UNC5D: variants seen among roughly 807,000 people sequenced by gnomAD.
UNC5D encodes the protein unc-5 netrin receptor D.
In UNC5D, 39 loss-of-function variants were observed where a neutral mutation model predicts 105.4. The observed-to-expected ratio is 0.37, with a 90% CI of 0.29 to 0.48. UNC5D has a LOEUF of 0.48. UNC5D is among the 20% of genes least tolerant of loss of function. UNC5D has a pLI of 0.98. For synonymous variants in UNC5D, 452 were observed against 450.4 expected, an observed-to-expected ratio of 1.00 and a Z score of -0.04; for missense variants, 991 against 1,202.4, an observed-to-expected ratio of 0.82 and a Z score of 2.60.
Position 35,544,353 on chromosome 8 carries a change from C to T in UNC5D, c.104-4939C>T, listed in dbSNP as rs1174918754. 15 of 1,567,866 alleles carry T rather than the reference C, an allele frequency of 9.6e-6. No homozygotes were observed. In the Admixed American group the frequency reaches 1.1e-4, roughly 12 times the overall value. On this transcript the variant is annotated intron_variant, in intron 1 of 16. Transcript: ENST00000404895. ...AAGATGCAGCTGTATCAGTGAGGAA[C>T]GTTTTCTGCCACAAATAACAGAAAA... is the stretch of plus-strand genomic sequence containing the variant.
rs1460002139 is a variant in UNC5D at position 35,601,776 on chromosome 8, T to A, written c.570+6119T>A. On this transcript the variant is annotated intron_variant, in intron 4 of 16. Transcript: ENST00000404895. ...ACAATTTGACTTCCTCTTTTCCTAA[T>A]TGAATGCCCTTTATTTCCTTCTCCT... Among the ~76,000 whole-genome samples, 3 of 152,146 alleles carry A rather than the reference T, an allele frequency of 2.0e-5. No individual in the cohort carries two copies. In the East Asian group the frequency reaches 5.8e-4, roughly 29 times the overall value.
At chr8:35,615,072 C>T (rs965662443) in intron 4 of UNC5D, among the ~76,000 whole-genome samples, 1 of 127,336 alleles carries the variant, frequency 7.9e-6, no homozygotes, top group African/African-American at 3.3e-5. Flanking sequence ...CCGATCTCCA[C>T]AAAACTAAAA....
chr8:35,613,522 A>C (rs2918972), intron 4 of UNC5D, among the ~76,000 whole-genome samples: 46,770 of 152,114 alleles, frequency 0.31, 12,193 homozygotes, highest in African/African-American at 0.72. Context: ...TAATAAATTT[A>C]TTTTTCACAT....
chr8:35,427,613 T>C (rs1230921516), intron 1 of UNC5D, among the ~76,000 whole-genome samples: 2 of 152,168 alleles, frequency 1.3e-5, no homozygotes, highest in Non-Finnish European at 2.9e-5. Flanking sequence ...ATTGATAAAG[T>C]AGGAAGAAGT....
chr8:35,424,580 C>G (rs576184701), intron 1 of UNC5D, among the ~76,000 whole-genome samples: 1 of 152,214 alleles, frequency 6.6e-6, no homozygotes, highest in African/African-American at 2.4e-5. Context: ...AAACAAGATT[C>G]CCTAGACCCC....
At position 35,605,883 on chromosome 8, in the gene UNC5D, TA is replaced by T. The variant is rs1268311365; in HGVS notation, c.570+10229del. Among the ~76,000 whole-genome samples the T allele has an allele frequency of 5.9e-5, 9 of 152,352 alleles. No individual in the cohort carries two copies. The South Asian group carries it at 1.0e-3, about 18-fold the overall frequency. ...TCCTGAGACAGTGTTGCCACGCTTT[TA>T]AATTAATAGACATTAGGTGAAACTA... On this transcript the variant is annotated intron_variant, in intron 4 of 16. Transcript: ENST00000404895.
intron 4 of UNC5D, among the ~76,000 whole-genome samples, chr8:35,644,872 A>C (rs1822953139): frequency 6.6e-6 from 1 of 152,164 alleles, no homozygotes; most frequent in African/African-American, 2.4e-5. Context: ...ATAGACACAT[A>C]TCAAAAAGTG....
At chr8:35,693,809 T>C (rs1181606392) in intron 7 of UNC5D, among the ~76,000 whole-genome samples, 1 of 152,186 alleles carries the variant, frequency 6.6e-6, no homozygotes, top group Non-Finnish European at 1.5e-5. Flanking sequence ...CAGGAAGTCC[T>C]ATGTAGCACT....
At chr8:35,260,267 T>C (rs1400443273) in intron 1 of UNC5D, among the ~76,000 whole-genome samples, 1 of 152,122 alleles carries the variant, frequency 6.6e-6, no homozygotes, top group African/African-American at 2.4e-5. Context: ...TGACATACAG[T>C]AGACACCTCT....
intron 8 of UNC5D, among the ~76,000 whole-genome samples, chr8:35,720,036 C>G (rs1415124688): frequency 2.0e-4 from 30 of 152,152 alleles, no homozygotes; most frequent in Admixed American, 2.0e-3. Context: ...TAGGGTTATT[C>G]CTAAAAGCAG....
At chr8:35,467,974 T>C (rs528807948) in intron 1 of UNC5D, among the ~76,000 whole-genome samples, 30 of 152,322 alleles carry the variant, frequency 2.0e-4, no homozygotes, top group Non-Finnish European at 3.5e-4. Context: ...AACAATCCTT[T>C]TATGAATTCT....
chr8:35,638,617 G>A (rs762087588), intron 4 of UNC5D, among the ~76,000 whole-genome samples: 2 of 151,690 alleles, frequency 1.3e-5, no homozygotes, highest in Non-Finnish European at 2.9e-5. Flanking sequence ...AACATACTGA[G>A]ACCTCATCTC....
At chr8:35,277,560 T>C (rs771380522) in intron 1 of UNC5D, among the ~76,000 whole-genome samples, 18 of 152,176 alleles carry the variant, frequency 1.2e-4, no homozygotes, top group Non-Finnish European at 2.5e-4. Context: ...GGGTGACTTT[T>C]CTCAAGCTTT....
chr8:35,597,997 C>T (rs894037439), intron 4 of UNC5D, among the ~76,000 whole-genome samples: 3 of 152,074 alleles, frequency 2.0e-5, no homozygotes, highest in African/African-American at 7.2e-5. Flanking sequence ...CTCAGATGCA[C>T]CAGCCATGCT....
chr8:35,313,888 C>G (rs184100233), intron 1 of UNC5D, among the ~76,000 whole-genome samples: 11 of 152,224 alleles, frequency 7.2e-5, no homozygotes, highest in African/African-American at 2.2e-4. Flanking sequence ...ATAAATGTAG[C>G]CCGTTGTCAT....
intron 4 of UNC5D, among the ~76,000 whole-genome samples, chr8:35,646,717 T>G (rs1307832794): frequency 6.6e-6 from 1 of 152,158 alleles, no homozygotes; most frequent in Non-Finnish European, 1.5e-5. Context: ...TATCCCTAAA[T>G]GATGGGATCA....
intron 3 of UNC5D, among the ~76,000 whole-genome samples, chr8:35,572,187 C>G (rs1339084797): frequency 7.2e-6 from 1 of 138,138 alleles, no homozygotes; most frequent in Admixed American, 7.9e-5. Flanking sequence ...ACTTGGGAGG[C>G]TGAGGTGGGA....
At chr8:35,442,257 T>C (rs1405358425) in intron 1 of UNC5D, among the ~76,000 whole-genome samples, 1 of 151,858 alleles carries the variant, frequency 6.6e-6, no homozygotes, top group Non-Finnish European at 1.5e-5. Context: ...CATTCACAAG[T>C]ATATTTTGTA....
intron 4 of UNC5D, among the ~76,000 whole-genome samples, chr8:35,645,466 C>T (rs574072823): frequency 1.2e-4 from 19 of 152,052 alleles, no homozygotes; most frequent in African/African-American, 4.6e-4. Context: ...AAACTGCATA[C>T]AAATAATAAG....
Sources: allele counts gnomAD v4.1 joint callset (sites outside exome capture counted in the v4.1 genomes callset), GRCh38; gene constraint gnomAD v4.1.1; transcripts MANE v1.5; gene names NCBI Gene and HGNC (gene_info 2026-07-23, HGNC 2026-07-21).